Variants in LETM1 observed in about 807,000 individuals in gnomAD.
LETM1 encodes the protein leucine zipper and EF-hand containing transmembrane protein 1.
A neutral mutation model predicts 74.5 loss-of-function variants in LETM1; 50 were observed. The ratio of observed to expected loss-of-function variants is 0.67; its 90% CI spans 0.53 to 0.85. The LOEUF (loss-of-function observed/expected upper bound fraction) is 0.85. Among genes scored for constraint, LETM1 ranks in the 40% least tolerant of loss-of-function variants. The pLI, the probability that LETM1 is intolerant of heterozygous loss-of-function variation, is 0.00. For missense variants in LETM1, 824 were observed against 967.8 expected (o/e 0.85, Z 1.97); for synonymous variants, 446 against 407.1 (o/e 1.10, Z -1.15).
intron 6 of LETM1, among the ~76,000 whole-genome samples, chr4:1,828,983 AGG>A (rs1324315520): frequency 1.3e-5 from 1 of 75,120 alleles, no homozygotes; most frequent in African/African-American, 5.9e-5. Flanking sequence ...CTGGCCGGGC[AGG>A]GGGGCTGACC....
At chr4:1,815,355 C>T (rs1010602789) in intron 13 of LETM1, among the ~76,000 whole-genome samples, 1 of 152,194 alleles carries the variant, frequency 6.6e-6, no homozygotes, top group Non-Finnish European at 1.5e-5. Context: ...TCGGGGGCCC[C>T]TGAGAGGTGT....
At position 1,823,132 on chromosome 4, in the gene LETM1, C is replaced by T; in HGVS notation, c.1333-1G>A. On this transcript the variant is annotated splice_acceptor_variant, in intron 8 of 13. Coordinates refer to ENST00000302787, the MANE Select transcript of LETM1 (RefSeq NM_012318.3). LOFTEE classifies it high-confidence loss of function. Reference sequence around the variant, plus strand: ...CCACTTTCACCTGTGCTTCCTTTGCCTTCAGAAGAGGGTACATCTGTGGGT... The same window carrying T: ...CCACTTTCACCTGTGCTTCCTTTGCTTTCAGAAGAGGGTACATCTGTGGGT... The T allele has an allele frequency of 6.3e-7, 1 of 1,589,372 alleles. No individual in the cohort carries two copies. Among genetic ancestry groups the T allele is most frequent in the Non-Finnish European group, 8.6e-7 (1 of 1,165,898 alleles).
intron 6 of LETM1, among the ~76,000 whole-genome samples, chr4:1,830,568 A>C (rs907397553): frequency 6.6e-6 from 1 of 152,220 alleles, no homozygotes; most frequent in Non-Finnish European, 1.5e-5. Flanking sequence ...TACCGGGCTC[A>C]AGCAGTCCTC....
At chr4:1,817,153 G>A (rs1190603294) in intron 11 of LETM1, among the ~76,000 whole-genome samples, 2 of 151,184 alleles carry the variant, frequency 1.3e-5, no homozygotes, top group Non-Finnish European at 1.5e-5. Flanking sequence ...GCTGAGGCAG[G>A]AGAATCGCTT....
intron 12 of LETM1, 33 bp downstream of exon 12, chr4:1,816,669 GGACCAGCCTCCCTATGTGAGTCTCC>G: frequency 6.5e-7 from 1 of 1,534,724 alleles, no homozygotes. Flanking sequence ...TCCAGCAAAG[GGACCAGCCTCCCTATGTGAGTCTCC>G]GATCCCTCTC....
rs751043326 is a variant in LETM1 at position 1,834,769 on chromosome 4, A to C, written c.876+76T>G. 4.4e-6 allele frequency: 7 copies of C among 1,590,436 alleles called. No homozygotes were observed. The highest frequency in any genetic ancestry group is 6.0e-6 in the Non-Finnish European group (7 of 1,166,734). The stretch of plus-strand genomic sequence containing the variant: ...CACCTGGGGGAGCTCCACTCTGCTG[A>C]GCACAGCGAAAGGGAAACAGAAAAT... On this transcript the variant is annotated intron_variant, in intron 5 of 13. Coordinates refer to ENST00000302787, the MANE Select transcript of LETM1 (RefSeq NM_012318.3). The surrounding 1 kb of genome is among the most constrained non-coding windows in gnomAD (Gnocchi z 5.0).
rs1432948494 is a variant in LETM1, at chr4:1,812,595, C to T, written c.*1829G>A. ...ATCCACCACTGCTTACATTTGCACCCAGACACCACTTTTAGGTGCAAGAAG... is the reference window on the plus strand; with the variant it reads ...ATCCACCACTGCTTACATTTGCACCTAGACACCACTTTTAGGTGCAAGAAG... On this transcript the variant is annotated 3_prime_UTR_variant, in exon 14 of 14. Coordinates refer to ENST00000302787, the MANE Select transcript of LETM1 (RefSeq NM_012318.3). 1.3e-5 allele frequency: 2 copies of T among 152,284 alleles called. No individual in the cohort carries two copies. Among genetic ancestry groups the T allele is most frequent in the African/African-American group, 2.4e-5 (1 of 41,416 alleles). 9.4% of individuals were successfully genotyped at this position (152,284 alleles called of 1,614,324 possible).
intron 2 of LETM1, among the ~76,000 whole-genome samples, chr4:1,848,230 C>A (rs1476645130): frequency 6.6e-6 from 1 of 151,840 alleles, no homozygotes; most frequent in South Asian, 2.1e-4. Context: ...ATGGTGAAAC[C>A]CCGTCTCTAA....
chr4:1,814,005 G>C lies in LETM1; in HGVS notation c.*419C>G, dbSNP rs1012624655. On this transcript the variant is annotated 3_prime_UTR_variant, in exon 14 of 14. Coordinates refer to ENST00000302787, the MANE Select transcript of LETM1 (RefSeq NM_012318.3). ...TCTTCAGCCCTGAGGAGGCCAGGCTGTGTCTCCTGACGCCCCTGAGGGTGG... is the reference window on the plus strand; with the variant it reads ...TCTTCAGCCCTGAGGAGGCCAGGCTCTGTCTCCTGACGCCCCTGAGGGTGG... The C allele has an allele frequency of 4.6e-6, 1 of 216,234 alleles. No homozygotes were observed. The highest frequency in any genetic ancestry group is 9.4e-6 in the Non-Finnish European group (1 of 106,358). 13.4% of individuals were successfully genotyped at this position (216,234 alleles called of 1,614,324 possible).
rs1178924679 is a variant in LETM1, at chr4:1,813,299, G to T, written c.*1125C>A. The T allele has an allele frequency of 6.6e-6, 1 of 152,378 alleles. No individual in the cohort carries two copies. The highest frequency in any genetic ancestry group is 6.5e-5 in the Admixed American group (1 of 15,284). The allele number at this position is 152,378 out of a possible 1,614,324, so 9.4% of individuals were successfully genotyped here. On this transcript the variant is annotated 3_prime_UTR_variant, in exon 14 of 14. Transcript: ENST00000302787. ...AATCCTATGCTTGGAGGCCCCTGGA[G>T]GTACATTTTTGCCAGGAACCAACCT... is the stretch of plus-strand genomic sequence containing the variant.
chr4:1,828,996 C>A (rs1424385485), intron 6 of LETM1, among the ~76,000 whole-genome samples: 4 of 112,558 alleles, frequency 3.6e-5, no homozygotes, highest in African/African-American at 1.2e-4. Flanking sequence ...GGGGCTGACC[C>A]CCCCCCACCT....
intron 8 of LETM1, 143 bp downstream of exon 8, chr4:1,823,501 G>A (rs1205153625): frequency 1.2e-5 from 11 of 939,622 alleles, no homozygotes; most frequent in African/African-American, 1.6e-5. Context: ...CAGGTGGCTG[G>A]GTGGGGGCAC....
intron 8 of LETM1, among the ~76,000 whole-genome samples, chr4:1,823,336 ATG>A (rs1711858676): frequency 6.7e-6 from 1 of 148,434 alleles, no homozygotes; most frequent in African/African-American, 2.5e-5. Context: ...GACTCCTGAC[ATG>A]TGGGAAGGAG....
chr4:1,818,945 A>G (rs532233669), intron 11 of LETM1, among the ~76,000 whole-genome samples: 2 of 152,230 alleles, frequency 1.3e-5, no homozygotes, highest in East Asian at 3.9e-4. Flanking sequence ...TGAGCTGGGC[A>G]TGGTGGCACA....
In LETM1 at chr4:1,836,491, G is replaced by C; in HGVS notation, c.676C>G (p.Pro226Ala). ...VVVPFMEFLL[P>A]VAVKLFPNML... Reference sequence around the variant, plus strand: ...TTGGGGAAGAGCTTCACAGCAACAGGCAGCAGAAACTCCATGAACGGCACC... The same window carrying C: ...TTGGGGAAGAGCTTCACAGCAACAGCCAGCAGAAACTCCATGAACGGCACC... Residue 226 changes from proline (P) to alanine (A), a missense_variant, in exon 4 of 14, where the codon CCT becomes GCT. Physicochemically the swap from Pro to Ala is conservative, Grantham distance 27. This residue lies in a region of LETM1 where 269 missense variants were observed against 348.8 expected (regional missense o/e 0.77). Coordinates refer to ENST00000302787, the MANE Select transcript of LETM1 (RefSeq NM_012318.3). The surrounding 1 kb of genome is among the most constrained non-coding windows in gnomAD (Gnocchi z 5.8). 1.9e-6 allele frequency: 3 copies of C among 1,614,004 alleles called. No individual in the cohort carries two copies. The highest frequency in any genetic ancestry group is 2.5e-6 in the Non-Finnish European group (3 of 1,180,000).
At chr4:1,817,184 G>A (rs1257435859) in intron 11 of LETM1, among the ~76,000 whole-genome samples, 1 of 146,032 alleles carries the variant, frequency 6.8e-6, no homozygotes, top group Non-Finnish European at 1.5e-5. Flanking sequence ...GGCAGAGGCT[G>A]CAGTGAGCCA....
chr4:1,816,763 G>A lies in LETM1; in HGVS notation c.1895C>T (p.Ala632Val), dbSNP rs1711583298. Residue 632 changes from alanine to valine, a missense_variant, in exon 12 of 14, where the codon GCT (alanine) becomes GTT (valine). This residue lies in a region of LETM1 where 161 missense variants were observed against 252.7 expected (regional missense o/e 0.64). Coordinates refer to ENST00000302787, the MANE Select transcript of LETM1 (RefSeq NM_012318.3). ...LISQLEMDQQ[A>V]GKLAPANGMP... The stretch of plus-strand genomic sequence containing the variant: ...GCCGTTGGCCGGGGCCAGCTTGCCA[G>A]CCTGCTGGTCCATCTCCAGCTGCGA... 5.6e-6 allele frequency: 9 copies of A among 1,614,088 alleles called. No individual in the cohort carries two copies. The highest frequency in any genetic ancestry group is 5.5e-5 in the South Asian group (5 of 91,088).
intron 11 of LETM1, among the ~76,000 whole-genome samples, chr4:1,819,120 C>G (rs568345837): frequency 2.0e-4 from 31 of 151,660 alleles, no homozygotes; most frequent in African/African-American, 7.3e-4. Context: ...ACATCTGTGG[C>G]CAGAACGGCA....
chr4:1,830,731 C>A (rs1453978489), intron 6 of LETM1, among the ~76,000 whole-genome samples: 1 of 152,128 alleles, frequency 6.6e-6, no homozygotes, highest in Non-Finnish European at 1.5e-5. Flanking sequence ...TCTGTTGTGG[C>A]TTTTGGAGCT....
Sources: allele counts gnomAD v4.1 joint callset (sites outside exome capture counted in the v4.1 genomes callset), GRCh38; gene constraint gnomAD v4.1.1; regional missense constraint gnomAD v4.1.1; non-coding constraint Gnocchi (gnomAD v3.1); transcripts MANE v1.5; gene names NCBI Gene and HGNC (gene_info 2026-07-23, HGNC 2026-07-21).